The following DLG2 variants were observed in gnomAD, a reference collection of about 807,000 sequenced individuals.
DLG2 encodes the protein discs large MAGUK scaffold protein 2.
A neutral mutation model predicts 132.5 loss-of-function variants in DLG2; 45 were observed. The observed-to-expected ratio is 0.34, with a 90% confidence interval of 0.27 to 0.44. DLG2 has a LOEUF of 0.44. Ranked by LOEUF, DLG2 falls within the 20% of genes least tolerant of loss-of-function variation. The pLI, the probability that DLG2 is intolerant of heterozygous loss-of-function variation, is 1.00. For synonymous variants in DLG2, 424 were observed against 419.6 expected (o/e 1.01, Z -0.13); for missense variants, 1,045 against 1,196.9 (o/e 0.87, Z 1.87).
intron 8 of DLG2, among the ~76,000 whole-genome samples, chr11:84,177,381 CTCTGTGTT>C (rs1204135278): frequency 6.6e-6 from 1 of 152,134 alleles, no homozygotes; most frequent in Non-Finnish European, 1.5e-5. Context: ...AATGCTGTTT[CTCTGTGTT>C]TACAGACTAC....
chr11:84,484,603 GTATC>G (rs1337101024), intron 7 of DLG2, among the ~76,000 whole-genome samples: 5 of 152,126 alleles, frequency 3.3e-5, no homozygotes, highest in Non-Finnish European at 7.4e-5. Flanking sequence ...ACTCTAGTAA[GTATC>G]TATTCATCTC....
chr11:84,167,098 T>C (rs2095686299), intron 8 of DLG2: 2 of 494,018 alleles, frequency 4.0e-6, no homozygotes, highest in African/African-American at 2.0e-5. Flanking sequence ...GACATTTTCA[T>C]AGACTTGGAG....
chr11:84,922,970 C>T, intron 6 of DLG2: 1 of 1,395,982 alleles, frequency 7.2e-7, no homozygotes, highest in South Asian at 1.2e-5. Flanking sequence ...AATAATCTGC[C>T]TGCTCAGCCA....
At chr11:84,768,144 C>T (rs771546660) in intron 6 of DLG2, among the ~76,000 whole-genome samples, 26 of 152,120 alleles carry the variant, frequency 1.7e-4, no homozygotes, top group South Asian at 6.2e-4. Flanking sequence ...CAACTTTCAA[C>T]GTATATTTAT....
At chr11:83,608,193 A>G (rs2059612543) in intron 19 of DLG2, among the ~76,000 whole-genome samples, 1 of 152,230 alleles carries the variant, frequency 6.6e-6, no homozygotes, top group South Asian at 2.1e-4. Flanking sequence ...TGCATTTAAT[A>G]CACCTAACGT....
intron 6 of DLG2, among the ~76,000 whole-genome samples, chr11:84,568,906 G>A (rs1378767288): frequency 2.0e-5 from 3 of 152,166 alleles, no homozygotes; most frequent in Non-Finnish European, 2.9e-5. Context: ...AAATTCTAAG[G>A]AGCATAACGT....
intron 15 of DLG2, among the ~76,000 whole-genome samples, chr11:83,894,887 T>C (rs2071100847): frequency 6.6e-6 from 1 of 152,174 alleles, no homozygotes; most frequent in African/African-American, 2.4e-5. Flanking sequence ...AGTGAAAACA[T>C]ACAATACTTG....
intron 6 of DLG2, chr11:84,997,780 T>C (rs1231365587): frequency 6.6e-6 from 1 of 152,174 alleles, no homozygotes; most frequent in Non-Finnish European, 1.5e-5. Context: ...AGGGACATTG[T>C]AGAGAGCACC....
intron 4 of DLG2, among the ~76,000 whole-genome samples, chr11:85,196,089 T>G (rs1427429583): frequency 6.6e-6 from 1 of 152,208 alleles, no homozygotes; most frequent in Non-Finnish European, 1.5e-5. Context: ...CCACCCAGCG[T>G]TGCCTCCTTT....
At chr11:84,041,054 T>C (rs187908826) in intron 11 of DLG2, among the ~76,000 whole-genome samples, 5,312 of 151,870 alleles carry the variant, frequency 0.035, 264 homozygotes, top group African/African-American at 0.12. Context: ...ATGCTTGTGA[T>C]TTTTGTACAT....
chr11:85,158,038 A>G (rs2077721306), intron 4 of DLG2, among the ~76,000 whole-genome samples: 1 of 151,880 alleles, frequency 6.6e-6, no homozygotes, highest in Admixed American at 6.6e-5. Context: ...GCCACCCCCA[A>G]CAGCCCTGTT....
chr11:85,051,576 T>C (rs1593265296), intron 6 of DLG2, among the ~76,000 whole-genome samples: 1 of 152,194 alleles, frequency 6.6e-6, no homozygotes, highest in Non-Finnish European at 1.5e-5. Flanking sequence ...AAAACAGATA[T>C]TGAAAAAAAT....
intron 7 of DLG2, among the ~76,000 whole-genome samples, chr11:84,304,785 G>C (rs540571778): frequency 6.6e-6 from 1 of 152,194 alleles, no homozygotes; most frequent in Non-Finnish European, 1.5e-5. Context: ...ACAAAACGAA[G>C]TATCAGGCTG....
At chr11:83,510,513 C>A (rs2139831419) in intron 21 of DLG2, among the ~76,000 whole-genome samples, 1 of 152,266 alleles carries the variant, frequency 6.6e-6, no homozygotes, top group South Asian at 2.1e-4. Context: ...AGAGGCAAAT[C>A]CATTACAGCT....
At chr11:84,638,341 G>A (rs1031084981) in intron 6 of DLG2, among the ~76,000 whole-genome samples, 1 of 152,148 alleles carries the variant, frequency 6.6e-6, no homozygotes, top group African/African-American at 2.4e-5. Flanking sequence ...CAGACAAGAT[G>A]GGAAAGAGAA....
chr11:84,009,112 G>T (rs1280402035), intron 11 of DLG2, among the ~76,000 whole-genome samples: 1 of 151,700 alleles, frequency 6.6e-6, no homozygotes, highest in South Asian at 2.1e-4. Flanking sequence ...TTAGATTTTT[G>T]ATTCCTCTAG....
intron 15 of DLG2, among the ~76,000 whole-genome samples, chr11:83,874,768 T>C (rs146098851): frequency 2.5e-3 from 385 of 152,246 alleles, no homozygotes; most frequent in Non-Finnish European, 4.1e-3. Flanking sequence ...AGAAATACAG[T>C]AGAGATTAAA....
chr11:83,830,431 GA>G (rs1216334178), intron 17 of DLG2, among the ~76,000 whole-genome samples: 1 of 152,198 alleles, frequency 6.6e-6, no homozygotes, highest in Non-Finnish European at 1.5e-5. Flanking sequence ...TGGCTTGGTG[GA>G]TTTTTTATTT....
chr11:84,431,742 T>C (rs2098985313), intron 7 of DLG2, among the ~76,000 whole-genome samples: 2 of 152,168 alleles, frequency 1.3e-5, no homozygotes, highest in Non-Finnish European at 2.9e-5. Flanking sequence ...ACTTTATTTA[T>C]ATTAACTCAT....
Sources: gnomAD v4.1 joint callset for allele counts (sites outside exome capture counted in the v4.1 genomes callset) on GRCh38, gnomAD v4.1.1 for gene constraint, MANE v1.5 for transcripts, NCBI Gene and HGNC (gene_info 2026-07-23, HGNC 2026-07-21) for gene names.